The following CCDC191 variants were observed in gnomAD, a reference collection of about 807,000 sequenced individuals.
CCDC191 encodes the protein coiled-coil domain-containing protein 191.
A neutral mutation model predicts 114.0 loss-of-function variants in CCDC191; 99 were observed. That is an observed-to-expected ratio of 0.87 (90% CI 0.74 to 1.03). CCDC191 has a LOEUF of 1.03. CCDC191 is among the 50% of genes least tolerant of loss of function. The pLI is 0.00. For missense variants in CCDC191, 973 were observed against 1,087.0 expected (o/e 0.90, Z 1.47); for synonymous variants, 351 against 376.0 (o/e 0.93, Z 0.77).
chr3:114,013,045 T>A (rs2107685483), intron 8 of CCDC191, among the ~76,000 whole-genome samples: 1 of 151,352 alleles, frequency 6.6e-6, no homozygotes, highest in South Asian at 2.1e-4. Flanking sequence ...AGCCCAGGAG[T>A]TTGAGACTTG....
At chr3:113,991,572 G>A (rs1293545217) in intron 13 of CCDC191, among the ~76,000 whole-genome samples, 1 of 152,102 alleles carries the variant, frequency 6.6e-6, no homozygotes, top group Non-Finnish European at 1.5e-5. Context: ...ATACTTAATG[G>A]TGAGATACTG....
At chr3:114,032,179 C>T (rs892471750) in intron 6 of CCDC191, among the ~76,000 whole-genome samples, 2 of 151,772 alleles carry the variant, frequency 1.3e-5, no homozygotes, top group Admixed American at 1.3e-4. Flanking sequence ...TACTAAAAGG[C>T]CTCTTATAAG....
intron 9 of CCDC191, among the ~76,000 whole-genome samples, chr3:114,009,846 A>G (rs2076038267): frequency 6.6e-6 from 1 of 152,206 alleles, no homozygotes; most frequent in Admixed American, 6.5e-5. Flanking sequence ...CTTAAATTCC[A>G]GTAATACAGG....
At chr3:114,008,178 C>CTT (rs34788479) in intron 9 of CCDC191, among the ~76,000 whole-genome samples, 21 of 132,226 alleles carry the variant, frequency 1.6e-4, no homozygotes, top group African/African-American at 5.5e-4. Context: ...TTTCTGCTGA[C>CTT]TTTTTTTTTT....
chr3:113,988,042 A>AATAT (rs374183079), intron 13 of CCDC191, among the ~76,000 whole-genome samples: 1 of 148,178 alleles, frequency 6.7e-6, no homozygotes, highest in East Asian at 2.0e-4. Flanking sequence ...ACTCCATCTC[A>AATAT]ATATATATAT....
chr3:114,006,619 A>AAAAT lies in CCDC191; in HGVS notation c.1414-658_1414-657insATTT, dbSNP rs1160832038. 3.6e-3 allele frequency among the ~76,000 whole-genome samples: 333 copies of AAAAT among 92,514 alleles called. 11 individuals are homozygous for AAAAT. Among genetic ancestry groups the AAAAT allele is most frequent in the African/African-American group, 0.013 (317 of 23,910 alleles). 60.7% of individuals were successfully genotyped at this position (92,514 alleles called of 152,430 possible). A position where few individuals can be genotyped will look rare whatever the true frequency, so the allele number is the denominator to read the frequency against. ...ATATATATATATATATATATATATAAATATATATATTTTATATATAAAAAA... is the reference window on the plus strand; with the variant it reads ...ATATATATATATATATATATATATAAAAATATATATATATTTTATATATAAAAAA... On this transcript the variant is annotated intron_variant, in intron 9 of 16. Coordinates refer to ENST00000295878, the MANE Select transcript of CCDC191 (RefSeq NM_020817.2).
chr3:113,985,396 G>T (rs2075316159), intron 13 of CCDC191, among the ~76,000 whole-genome samples: 4 of 152,172 alleles, frequency 2.6e-5, no homozygotes, highest in African/African-American at 9.7e-5. Flanking sequence ...CTCACTTAGG[G>T]GTTGGGGAAG....
intron 13 of CCDC191, among the ~76,000 whole-genome samples, chr3:113,983,123 T>G (rs1247616299): frequency 6.6e-6 from 1 of 152,162 alleles, no homozygotes; most frequent in East Asian, 1.9e-4. Context: ...TTATCTGTGC[T>G]ACTTTTAATT....
chr3:114,045,316 G>A (rs548700267), intron 3 of CCDC191, among the ~76,000 whole-genome samples: 19 of 151,952 alleles, frequency 1.3e-4, no homozygotes, highest in African/African-American at 4.1e-4. Context: ...GCCTCCCACT[G>A]GTTGCCCTTT....
At chr3:113,969,073 G>T (rs1430925904) in intron 16 of CCDC191, among the ~76,000 whole-genome samples, 1 of 152,070 alleles carries the variant, frequency 6.6e-6, no homozygotes. Flanking sequence ...GAGGTGCCAG[G>T]TTCTTTTTAA....
intron 8 of CCDC191, 62 bp from the exon 9 acceptor site, chr3:114,011,083 A>G (rs1201045945): frequency 6.6e-7 from 1 of 1,521,408 alleles, no homozygotes; most frequent in East Asian, 2.3e-5. Flanking sequence ...AATTGATAAT[A>G]TAAATGAAAC....
At chr3:114,005,415 C>T in intron 10 of CCDC191, 93 bp downstream of exon 10, 1 of 1,243,842 alleles carries the variant, frequency 8.0e-7, no homozygotes, top group Non-Finnish European at 1.1e-6. Context: ...AAGGAACAAT[C>T]ATGGGGCTCA....
intron 10 of CCDC191, among the ~76,000 whole-genome samples, 181 bp downstream of exon 10, chr3:114,005,327 G>C (rs763785095): frequency 2.0e-5 from 3 of 152,140 alleles, no homozygotes; most frequent in Non-Finnish European, 2.9e-5. Context: ...GATCCTTACA[G>C]GCATCCTTGA....
At chr3:114,052,713 T>A (rs2107766679) in intron 2 of CCDC191, among the ~76,000 whole-genome samples, 1 of 152,354 alleles carries the variant, frequency 6.6e-6, no homozygotes, top group Non-Finnish European at 1.5e-5. Context: ...AGTGGGCTAG[T>A]ACTTAGTAGG....
At chr3:114,022,482 G>T (rs1271697031) in intron 7 of CCDC191, among the ~76,000 whole-genome samples, 1 of 152,148 alleles carries the variant, frequency 6.6e-6, no homozygotes, top group Non-Finnish European at 1.5e-5. Context: ...AATAAACAAT[G>T]AATTGTTAAG....
chr3:114,011,546 G>C (rs1001209072), intron 8 of CCDC191, among the ~76,000 whole-genome samples: 3 of 152,176 alleles, frequency 2.0e-5, no homozygotes, highest in African/African-American at 2.4e-5. Flanking sequence ...AAGAAGAACT[G>C]GTCAGGGAAA....
intron 16 of CCDC191, among the ~76,000 whole-genome samples, chr3:113,968,234 A>C (rs955232648): frequency 3.3e-5 from 5 of 152,132 alleles, no homozygotes; most frequent in Non-Finnish European, 7.4e-5. Flanking sequence ...TGGCTGTACT[A>C]ATTTACACTC....
At chr3:114,031,481 G>T in intron 7 of CCDC191, 145 bp downstream of exon 7, 1 of 682,968 alleles carries the variant, frequency 1.5e-6, no homozygotes, top group Non-Finnish European at 2.6e-6. Flanking sequence ...CAGGTCAGCT[G>T]GGCACAAAGA....
intron 7 of CCDC191, among the ~76,000 whole-genome samples, chr3:114,030,407 C>T (rs2076388382): frequency 6.6e-6 from 1 of 152,090 alleles, no homozygotes; most frequent in African/African-American, 2.4e-5. Flanking sequence ...ATACTCGTTT[C>T]TCTTCTTATT....
Sources: gnomAD v4.1 joint callset for allele counts (sites outside exome capture counted in the v4.1 genomes callset) on GRCh38, gnomAD v4.1.1 for gene constraint, MANE v1.5 for transcripts, NCBI Gene and HGNC (gene_info 2026-07-23, HGNC 2026-07-21) for gene names.